The following RFX6 variants were observed in gnomAD, a reference collection of about 807,000 sequenced individuals.
RFX6 encodes regulatory factor X6.
Under a neutral mutation model 110.8 loss-of-function variants are expected in RFX6, and 50 were observed. That is an observed-to-expected ratio of 0.45 (90% CI 0.36 to 0.57). The LOEUF (loss-of-function observed/expected upper bound fraction) is 0.57, where lower values mean the gene tolerates loss of function less well. RFX6 is among the 20% of genes least tolerant of loss of function. RFX6 has a pLI of 0.00. For synonymous variants in RFX6, 383 were observed against 411.2 expected (o/e 0.93, Z 0.83); for missense variants, 990 against 1,127.0 (o/e 0.88, Z 1.74).
intron 4 of RFX6, among the ~76,000 whole-genome samples, chr6:116,888,223 G>T (rs918245894): frequency 6.6e-6 from 1 of 152,106 alleles, no homozygotes; most frequent in Non-Finnish European, 1.5e-5. Flanking sequence ...AAATGGAAAA[G>T]AAGAAATATA....
chr6:116,903,576 G>A (rs1315445461), intron 6 of RFX6, among the ~76,000 whole-genome samples: 1 of 151,946 alleles, frequency 6.6e-6, no homozygotes, highest in East Asian at 1.9e-4. Flanking sequence ...CTACTCATCA[G>A]AAGTTACCAC....
intron 6 of RFX6, among the ~76,000 whole-genome samples, chr6:116,897,405 C>A (rs895510856): frequency 3.3e-5 from 5 of 152,126 alleles, no homozygotes; most frequent in African/African-American, 1.2e-4. Context: ...TGCCAAATGT[C>A]AACTACTGGC....
Position 116,878,088 on chromosome 6 carries a change from C to T in RFX6, c.380+136C>T, listed in dbSNP as rs1056524956. 11 of 910,676 alleles carry T rather than the reference C, an allele frequency of 1.2e-5. No homozygotes were observed. The Admixed American group carries it at 1.8e-4, about 15-fold the overall frequency. 56.4% of individuals were successfully genotyped at this position (910,676 alleles called of 1,614,324 possible). On this transcript the variant is annotated intron_variant, in intron 2 of 18. Transcript: ENST00000332958. Reference sequence around the variant, plus strand: ...GTTTAAAAAACCAATTAGAATTTAACCCAGAATTTTTTTCACTGAATTTTT... The same window carrying T: ...GTTTAAAAAACCAATTAGAATTTAATCCAGAATTTTTTTCACTGAATTTTT...
chr6:116,918,743 T>C (rs959032653), intron 10 of RFX6, among the ~76,000 whole-genome samples: 1 of 152,232 alleles, frequency 6.6e-6, no homozygotes, highest in Non-Finnish European at 1.5e-5. Flanking sequence ...AAACAAATTT[T>C]ACTTTTTATT....
rs760344574 is a variant in RFX6 at position 116,877,516 on chromosome 6, T to G, written c.223+18T>G. 116 of 1,536,778 alleles carry G rather than the reference T, an allele frequency of 7.5e-5. No individual in the cohort carries two copies. Among genetic ancestry groups the G allele is most frequent in the Non-Finnish European group, 1.6e-5 (18 of 1,136,410 alleles). On this transcript the variant is annotated intron_variant, in intron 1 of 18. Coordinates refer to ENST00000332958, the MANE Select transcript of RFX6 (RefSeq NM_173560.4). ...GAAATCAGGTGAGTGCTCTGCCGCA[T>G]CCGGAGCTGGGAAGGGGACGGGGAC...
chr6:116,903,279 C>T (rs1283158201), intron 6 of RFX6, among the ~76,000 whole-genome samples: 1 of 151,890 alleles, frequency 6.6e-6, no homozygotes, highest in Non-Finnish European at 1.5e-5. Flanking sequence ...TTTGCCCCTT[C>T]TTGATGTTGC....
chr6:116,877,328 C>T lies in RFX6; in HGVS notation c.53C>T (p.Pro18Leu). Reference protein sequence around the residue: ...EDTFLQAQPAPQLSPGIQEDC... With the variant: ...EDTFLQAQPALQLSPGIQEDC... ...ACCTTCCTGCAGGCGCAGCCTGCGC[C>T]CCAACTGTCCCCGGGGATCCAGGAA... Residue 18 changes from proline to leucine, a missense_variant, in exon 1 of 19, where the codon CCC becomes CTC. Physicochemically the swap from Pro to Leu is moderately conservative, Grantham distance 98. Transcript: ENST00000332958. The T allele has an allele frequency of 3.1e-6, 5 of 1,613,038 alleles. No individual in the cohort carries two copies. Among genetic ancestry groups the T allele is most frequent in the Non-Finnish European group, 4.2e-6 (5 of 1,179,680 alleles).
At position 116,923,171 on chromosome 6, in the gene RFX6, T is replaced by C; in HGVS notation, c.1502T>C (p.Phe501Ser). 6.2e-7 allele frequency: 1 copy of C among 1,609,110 alleles called. No individual in the cohort carries two copies. Among genetic ancestry groups the C allele is most frequent in the Non-Finnish European group, 8.5e-7 (1 of 1,175,576 alleles). Residue 501 changes from phenylalanine (F) to serine (S), a missense_variant, in exon 14 of 19, where the codon TTT (phenylalanine) becomes TCT (serine). Transcript: ENST00000332958. ...CAAGACTTTCTGTTAAAGTGGAGTT[T>C]TTTTGGTGCTCGAGTAATGCATAAT... ...RAQDFLLKWS[F>S]FGARVMHNLT... is the part of the protein sequence containing the mutation.
At position 116,931,849 on chromosome 6, in the gene RFX6, C is replaced by A; in HGVS notation, c.*343C>A. On this transcript the variant is annotated 3_prime_UTR_variant, in exon 19 of 19. Coordinates refer to ENST00000332958, the MANE Select transcript of RFX6 (RefSeq NM_173560.4). ...CTGTGTGCCTTTTTATCTTTGGTTT[C>A]TTTTAAAAAGTATATTTAATGCCTT... 1.3e-5 allele frequency: 3 copies of A among 224,974 alleles called. No homozygotes were observed. In the South Asian group the frequency reaches 2.3e-4, roughly 17 times the overall value. 13.9% of individuals were successfully genotyped at this position (224,974 alleles called of 1,614,324 possible).
In RFX6 at chr6:116,877,966, G is replaced by T. The variant is rs769037628; in HGVS notation, c.380+14G>T. ...CACGCTGCAGTGGTGAGACTCGCCC[G>T]CAGGGTACACTGAAGCACCTGTTGA... is the stretch of plus-strand genomic sequence containing the variant. On this transcript the variant is annotated intron_variant, in intron 2 of 18. Coordinates refer to ENST00000332958, the MANE Select transcript of RFX6 (RefSeq NM_173560.4). 18 of 1,612,552 alleles carry T rather than the reference G, an allele frequency of 1.1e-5. No homozygotes were observed. The highest frequency in any genetic ancestry group is 1.4e-5 in the Non-Finnish European group (17 of 1,178,760).
At chr6:116,925,108 C>G (rs1775682167) in intron 15 of RFX6, among the ~76,000 whole-genome samples, 1 of 152,134 alleles carries the variant, frequency 6.6e-6, no homozygotes, top group African/African-American at 2.4e-5. Context: ...ATGTGGTATA[C>G]TACATATGTA....
intron 17 of RFX6, among the ~76,000 whole-genome samples, 186 bp downstream of exon 17, chr6:116,927,725 C>G (rs973503870): frequency 1.3e-5 from 2 of 148,200 alleles, no homozygotes; most frequent in Admixed American, 6.8e-5. Flanking sequence ...TGTGGCTTTC[C>G]TAAAGTTGCC....
At chr6:116,882,567 C>CT (rs1774612784) in intron 4 of RFX6, 139 bp downstream of exon 4, 12 of 439,332 alleles carry the variant, frequency 2.7e-5, no homozygotes, top group African/African-American at 7.1e-5. Context: ...ACTGTGAGAA[C>CT]TGAAAAAAAA....
rs558402262 is a variant in RFX6, at chr6:116,931,538, TA to T, written c.*40del. 8.2e-4 allele frequency: 1,248 copies of T among 1,519,590 alleles called. 7 individuals are homozygous for T. The African/African-American group carries it at 0.014, about 18-fold the overall frequency. 94.1% of individuals were successfully genotyped at this position (1,519,590 alleles called of 1,614,324 possible). A position where few individuals can be genotyped will look rare whatever the true frequency, so the allele number is the denominator to read the frequency against. On this transcript the variant is annotated 3_prime_UTR_variant, in exon 19 of 19. Transcript: ENST00000332958. Reference sequence around the variant, plus strand: ...AATGTGGGAGGGGGTGCTAAAACTTTAAAAAAAATCTCTACTGTGCAAATAT... The same window carrying T: ...AATGTGGGAGGGGGTGCTAAAACTTTAAAAAAATCTCTACTGTGCAAATAT...
intron 1 of RFX6, 49 bp downstream of exon 1, chr6:116,877,547 C>T (rs1284225502): frequency 2.2e-6 from 3 of 1,354,770 alleles, no homozygotes; most frequent in East Asian, 5.0e-5. Context: ...GGGACGTATT[C>T]TAAGAAGGGC....
intron 6 of RFX6, among the ~76,000 whole-genome samples, chr6:116,897,819 G>A (rs1774982349): frequency 6.6e-6 from 1 of 152,084 alleles, no homozygotes; most frequent in African/African-American, 2.4e-5. Context: ...GTTTAATTTG[G>A]GACTTGTCAT....
chr6:116,877,932 G>C lies in RFX6; in HGVS notation c.360G>C (p.Gln120His). ...AGATTGTGAAGGATAAAAAGAAGCA[G>C]ACACAGCTCACGCTGCAGTGGTGAG... ...ITQIVKDKKK[Q>H]TQLTLQWLEE... The change falls in exon 2 of 19, where the codon CAG becomes CAC. Residue 120 changes from glutamine to histidine, a missense_variant. Coordinates refer to ENST00000332958, the MANE Select transcript of RFX6 (RefSeq NM_173560.4). 3.7e-6 allele frequency: 6 copies of C among 1,614,146 alleles called. No individual in the cohort carries two copies. Among genetic ancestry groups the C allele is most frequent in the Non-Finnish European group, 5.1e-6 (6 of 1,180,028 alleles).
chr6:116,915,799 A>T (rs1252416000), intron 7 of RFX6, among the ~76,000 whole-genome samples: 1 of 152,100 alleles, frequency 6.6e-6, no homozygotes. Context: ...TTCATATTAT[A>T]CTGTAGTTGT....
chr6:116,899,646 T>G (rs561914547), intron 6 of RFX6, among the ~76,000 whole-genome samples: 1 of 152,274 alleles, frequency 6.6e-6, no homozygotes, highest in Non-Finnish European at 1.5e-5. Flanking sequence ...TTAGAAACAT[T>G]GACCATTTTG....
Sources: allele counts gnomAD v4.1 joint callset (sites outside exome capture counted in the v4.1 genomes callset), GRCh38; gene constraint gnomAD v4.1.1; transcripts MANE v1.5; gene names NCBI Gene and HGNC (gene_info 2026-07-23, HGNC 2026-07-21).